DHX57: variants seen among roughly 807,000 people sequenced by gnomAD.
The protein encoded by DHX57 is putative ATP-dependent RNA helicase DHX57.
DHX57 carries 105 observed loss-of-function variants against 156.2 expected under a neutral mutation model. The observed-to-expected ratio is 0.67, with a 90% CI of 0.57 to 0.79. The LOEUF is 0.79. DHX57 is among the 30% of genes least tolerant of loss of function. The pLI is 0.00. For missense variants in DHX57, 1,847 were observed against 1,661.9 expected (o/e 1.11, Z -1.94); for synonymous variants, 704 against 595.6 (o/e 1.18, Z -2.65).
At chr2:38,840,559 A>G (rs1671939403) in intron 12 of DHX57, among the ~76,000 whole-genome samples, 2 of 134,682 alleles carry the variant, frequency 1.5e-5, no homozygotes, top group African/African-American at 5.2e-5. Context: ...TTTTGTAAGG[A>G]CTTTTGTTTT....
chr2:38,806,601 G>T lies in DHX57; in HGVS notation c.3774C>A (p.Asn1258Lys), dbSNP rs535060789. The T allele has an allele frequency of 9.9e-5, 160 of 1,614,082 alleles. No homozygotes were observed. The South Asian group carries it at 1.7e-3, about 17-fold the overall frequency. ...KSAELKFVTK[N>K]DGYVHIHPSS... ...AAGGGTGAATGTGTACATATCCATC[G>T]TTCTTGGTGACAAACTTCAACTCAG... is the stretch of plus-strand genomic sequence containing the variant. The change falls in exon 22 of 24, where the codon AAC becomes AAA. Residue 1258 changes from asparagine (N) to lysine (K), a missense_variant. Transcript: ENST00000457308.
intron 22 of DHX57, among the ~76,000 whole-genome samples, chr2:38,806,050 A>T (rs754038715): frequency 6.6e-6 from 1 of 152,234 alleles, no homozygotes; most frequent in Non-Finnish European, 1.5e-5. Context: ...AAATAACATC[A>T]AGGAGAATTT....
At chr2:38,845,778 T>TA (rs1188823959) in intron 11 of DHX57, among the ~76,000 whole-genome samples, 2 of 152,124 alleles carry the variant, frequency 1.3e-5, no homozygotes, top group African/African-American at 2.4e-5. Context: ...ACCTAGCACT[T>TA]ACAATTGTTT....
rs907787793 is a variant in DHX57, at chr2:38,819,066, G to A, written c.3370C>T (p.Leu1124Phe). Residue 1124 changes from leucine (L) to phenylalanine (F), a missense_variant, in exon 18 of 24, where the codon CTT becomes TTT. Coordinates refer to ENST00000457308, the MANE Select transcript of DHX57 (RefSeq NM_198963.3). ...FAFANSDYLA[L>F]LQAYKGWQLS... ...ATACTTACCTTATACGCTTGTAGAA[G>A]GGCCAGATAATCACTGTTTGCGAAT... 14 of 1,614,044 alleles carry A rather than the reference G, an allele frequency of 8.7e-6. No homozygotes were observed. Among genetic ancestry groups the A allele is most frequent in the Admixed American group, 1.7e-5 (1 of 59,998 alleles).
At chr2:38,815,891 A>C in intron 19 of DHX57, 2 of 541,934 alleles carry the variant, frequency 3.7e-6, no homozygotes, top group East Asian at 6.5e-5. Flanking sequence ...AATTCAATAA[A>C]TCCAAGGATC....
intron 22 of DHX57, among the ~76,000 whole-genome samples, chr2:38,805,706 A>T (rs1371148399): frequency 1.5e-5 from 2 of 132,880 alleles, no homozygotes; most frequent in African/African-American, 5.8e-5. Context: ...AAGACAGCAC[A>T]GAAAGAGAAG....
At chr2:38,870,028 C>T (rs933927201) in intron 1 of DHX57, among the ~76,000 whole-genome samples, 6 of 151,762 alleles carry the variant, frequency 4.0e-5, no homozygotes, top group Admixed American at 3.3e-4. Flanking sequence ...TAAAAAGAAC[C>T]AAATGGGAAT....
intron 2 of DHX57, among the ~76,000 whole-genome samples, chr2:38,863,881 T>C (rs574354221): frequency 6.6e-6 from 1 of 152,088 alleles, no homozygotes; most frequent in South Asian, 2.1e-4. Flanking sequence ...GGCGTGGCAG[T>C]GCGCTCCTGT....
intron 9 of DHX57, among the ~76,000 whole-genome samples, chr2:38,848,739 C>A (rs1034723754): frequency 6.6e-6 from 1 of 152,024 alleles, no homozygotes; most frequent in Non-Finnish European, 1.5e-5. Flanking sequence ...ATATACACAG[C>A]CTAAAGGTAA....
In DHX57 at chr2:38,863,428, C is replaced by T. The variant is rs1285779616; in HGVS notation, c.316G>A (p.Glu106Lys). The change falls in exon 3 of 24, where the codon GAG becomes AAG. Residue 106 changes from glutamate to lysine, a missense_variant. Physicochemically the swap from Glu to Lys is moderately conservative, Grantham distance 56. Coordinates refer to ENST00000457308, the MANE Select transcript of DHX57 (RefSeq NM_198963.3). ...AGAGCTTTCACTTTCTCTTGATTCT[C>T]AGAAGTCATATGTAGAGTCTGAAGG... ...VPLQTLHMTS[E>K]NQEKVKALLR... 1.9e-6 allele frequency: 3 copies of T among 1,613,948 alleles called. No individual in the cohort carries two copies. The highest frequency in any genetic ancestry group is 2.5e-6 in the Non-Finnish European group (3 of 1,180,024).
intron 21 of DHX57, among the ~76,000 whole-genome samples, chr2:38,810,146 C>T (rs187630364): frequency 2.0e-5 from 3 of 151,466 alleles, no homozygotes; most frequent in East Asian, 3.9e-4. Context: ...CTGCCCACCT[C>T]GGTCTCCCAA....
chr2:38,823,946 G>C (rs1362720626), intron 16 of DHX57, among the ~76,000 whole-genome samples: 1 of 152,094 alleles, frequency 6.6e-6, no homozygotes, highest in African/African-American at 2.4e-5. Context: ...CGGAGGTGGA[G>C]GTTGCAGTGA....
intron 13 of DHX57, among the ~76,000 whole-genome samples, chr2:38,832,563 A>G (rs1367167511): frequency 2.7e-5 from 4 of 147,186 alleles, no homozygotes; most frequent in Non-Finnish European, 6.0e-5. Flanking sequence ...TTTTTTTTTT[A>G]GAGACAGAGT....
chr2:38,826,021 C>A lies in DHX57; in HGVS notation c.2840G>T (p.Ser947Ile). The stretch of plus-strand genomic sequence containing the variant: ...TTGAGATACAAAGGTGTCCTCTAGA[C>A]TTTCCATCCCTTTGCTGGCATCATA... ...KRYDASKGMESLEDTFVSQAN... is the reference protein window; with the variant it reads ...KRYDASKGMEILEDTFVSQAN... Residue 947 changes from serine (S) to isoleucine (I), a missense_variant, in exon 16 of 24, where the codon AGT becomes ATT. By Grantham distance (142) the Ser-to-Ile change is moderately radical. Coordinates refer to ENST00000457308, the MANE Select transcript of DHX57 (RefSeq NM_198963.3). The A allele has an allele frequency of 6.2e-7, 1 of 1,614,122 alleles. No homozygotes were observed. The highest frequency in any genetic ancestry group is 8.5e-7 in the Non-Finnish European group (1 of 1,179,984).
intron 22 of DHX57, among the ~76,000 whole-genome samples, chr2:38,806,239 A>G (rs559267972): frequency 1.3e-5 from 2 of 152,206 alleles, no homozygotes; most frequent in Admixed American, 1.3e-4. Flanking sequence ...GTATGCAAGA[A>G]TAGGTCATTC....
chr2:38,815,831 C>G, intron 19 of DHX57, 176 bp from the exon 20 acceptor site: 1 of 746,748 alleles, frequency 1.3e-6, no homozygotes, highest in South Asian at 2.0e-5. Flanking sequence ...AAGCAGCTTT[C>G]ACTTACGCAA....
chr2:38,866,313 A>G (rs1387146110), intron 2 of DHX57, among the ~76,000 whole-genome samples: 1 of 152,112 alleles, frequency 6.6e-6, no homozygotes, highest in African/African-American at 2.4e-5. Flanking sequence ...TTCTAGCCAC[A>G]TGGTTCTTTG....
In DHX57 at chr2:38,861,413, T is replaced by C. The variant is rs1673199458; in HGVS notation, c.997A>G (p.Arg333Gly). 23 of 1,614,012 alleles carry C rather than the reference T, an allele frequency of 1.4e-5. No homozygotes were observed. Among genetic ancestry groups the C allele is most frequent in the Non-Finnish European group, 1.9e-5 (23 of 1,180,048 alleles). Reference protein sequence around the residue: ...HEVPPNQIVGRIERSVDDSHL... With the variant: ...HEVPPNQIVGGIERSVDDSHL... ...GAATCATCTACACTTCTTTCTATTC[T>C]TCCAACAATTTGATTTGGGGGCACT... The change falls in exon 5 of 24, where the codon AGA (arginine) becomes GGA (glycine). Residue 333 changes from arginine (R) to glycine (G), a missense_variant. Physicochemically the swap from Arg to Gly is moderately radical, Grantham distance 125 (BLOSUM62 -2). Transcript: ENST00000457308.
intron 1 of DHX57, among the ~76,000 whole-genome samples, chr2:38,875,119 C>G (rs1237553313): frequency 6.6e-6 from 1 of 152,188 alleles, no homozygotes; most frequent in African/African-American, 2.4e-5. Flanking sequence ...CGAAGATTTA[C>G]TGACTGTAAT....
Sources: gnomAD v4.1 joint callset for allele counts (sites outside exome capture counted in the v4.1 genomes callset) on GRCh38, gnomAD v4.1.1 for gene constraint, MANE v1.5 for transcripts, NCBI Gene and HGNC (gene_info 2026-07-23, HGNC 2026-07-21) for gene names.